The following CACNA1H variants were observed in gnomAD, a reference collection of about 807,000 sequenced individuals.
CACNA1H encodes calcium voltage-gated channel subunit alpha1 H, also known as voltage-dependent T-type calcium channel subunit alpha-1H.
CACNA1H carries 149 observed loss-of-function variants against 192.5 expected under a neutral mutation model. The observed-to-expected ratio is 0.77, with a 90% confidence interval of 0.68 to 0.89. CACNA1H has a LOEUF of 0.89. Ranked by LOEUF, CACNA1H falls within the 40% of genes least tolerant of loss-of-function variation. The probability of loss-of-function intolerance (pLI) is 0.00; values close to 1 mark genes in which losing one functional copy is unlikely to be tolerated. For missense variants in CACNA1H, 4,257 were observed against 3,423.5 expected (o/e 1.24, Z -6.08); for synonymous variants, 2,202 against 1,475.2 (o/e 1.49, Z -11.29).
intron 2 of CACNA1H, among the ~76,000 whole-genome samples, chr16:1,158,922 C>T (rs760337029): frequency 6.6e-5 from 10 of 152,180 alleles, no homozygotes; most frequent in African/African-American, 1.2e-4. Context: ...AGAGCCCCCC[C>T]GCTCAGCCCG....
At chr16:1,194,684 C>T (rs999467009) in intron 2 of CACNA1H, among the ~76,000 whole-genome samples, 4 of 152,228 alleles carry the variant, frequency 2.6e-5, no homozygotes, top group African/African-American at 9.6e-5. Flanking sequence ...GCGGCCAGCC[C>T]ACCGAGGGCT....
At chr16:1,157,135 G>A (rs1962528154) in intron 2 of CACNA1H, 2 of 152,222 alleles carry the variant, frequency 1.3e-5, no homozygotes, top group African/African-American at 4.8e-5. Context: ...CACACGGACG[G>A]GGCGGGGCCC....
Position 1,153,797 on chromosome 16 carries a change from T to C in CACNA1H, c.60T>C (p.Pro20=). 1 of 1,245,812 alleles carries C rather than the reference T, an allele frequency of 8.0e-7. No individual in the cohort carries two copies. The highest frequency in any genetic ancestry group is 3.4e-5 in the East Asian group (1 of 29,622). 77.2% of individuals were successfully genotyped at this position (1,245,812 alleles called of 1,614,324 possible). The change falls in exon 2 of 35, where the codon CCT becomes CCC. Residue 20 remains proline (P), a synonymous_variant. Coordinates refer to ENST00000348261, the MANE Select transcript of CACNA1H (RefSeq NM_021098.3). ...EVRVPLGAPP[P]GPAALVGASP... is the part of the protein sequence containing the mutation. ...GGGTGCCCCTGGGCGCGCCGCCCCC[T>C]GGCCCTGCGGCGTTGGTGGGGGCGT...
intron 2 of CACNA1H, among the ~76,000 whole-genome samples, chr16:1,158,872 C>G (rs905544607): frequency 7.4e-5 from 11 of 149,544 alleles, no homozygotes; most frequent in Admixed American, 6.0e-4. Flanking sequence ...GCACCCCTGG[C>G]CCCGCAGGGC....
chr16:1,215,471 C>A, intron 29 of CACNA1H, 52 bp from the exon 30 acceptor site: 5 of 1,594,132 alleles, frequency 3.1e-6, no homozygotes, highest in South Asian at 2.3e-5. Flanking sequence ...AGGGTCCCCG[C>A]GCAGCAGGGA....
At position 1,217,905 on chromosome 16, in the gene CACNA1H, C is replaced by G; in HGVS notation, c.5324-14C>G. On this transcript the variant is annotated splice_polypyrimidine_tract_variant and intron_variant, in intron 31 of 34. Transcript: ENST00000348261. ...GCGGGCTCGGCTGACCGGGCGGGGT[C>G]TCCCTCCCCGCAGAGTGCAGTGAAG... 2 of 1,590,890 alleles carry G rather than the reference C, an allele frequency of 1.3e-6. No homozygotes were observed. The highest frequency in any genetic ancestry group is 1.7e-6 in the Non-Finnish European group (2 of 1,168,630).
rs768879342 is a variant in CACNA1H, at chr16:1,220,424, G to T, written c.6492G>T (p.Glu2164Asp). 8 of 1,533,300 alleles carry T rather than the reference G, an allele frequency of 5.2e-6. No homozygotes were observed. Among genetic ancestry groups the T allele is most frequent in the South Asian group, 5.2e-5 (4 of 77,534 alleles). The allele number at this position is 1,533,300 out of a possible 1,614,324, so 95.0% of individuals were successfully genotyped here. ...CCTCGGCGGAGCTGGGCAGCGGGGA[G>T]CCTGGGGAGGCGAAGGCCTGGGGCC... ...WRPSAELGSG[E>D]PGEAKAWGPE... The change falls in exon 35 of 35, where the codon GAG (glutamate) becomes GAT (aspartate). Residue 2164 changes from glutamate (E) to aspartate (D), a missense_variant. Transcript: ENST00000348261.
At position 1,183,991 on chromosome 16, in the gene CACNA1H, C is replaced by A. The variant is rs573359517; in HGVS notation, c.300-10981C>A. On this transcript the variant is annotated intron_variant, in intron 2 of 34. Coordinates refer to ENST00000348261, the MANE Select transcript of CACNA1H (RefSeq NM_021098.3). ...GCGTCTGCCTCGGCAGCTGTGGCTG[C>A]CCCGGTGCTTCATCGGATGCCAGGG... Among the ~76,000 whole-genome samples the A allele has an allele frequency of 3.3e-5, 5 of 152,358 alleles. No individual in the cohort carries two copies. The South Asian group carries it at 8.3e-4, about 25-fold the overall frequency.
At position 1,195,575 on chromosome 16, in the gene CACNA1H, G is replaced by T. The variant is rs748867788; in HGVS notation, c.545+10G>T. On this transcript the variant is annotated intron_variant, in intron 4 of 34. Coordinates refer to ENST00000348261, the MANE Select transcript of CACNA1H (RefSeq NM_021098.3). ...TCATCGTCGTGGCGGGGTAGGCCCC[G>T]CCTGGGAGAGGCCACAGCGCTGGCG... 10 of 1,483,256 alleles carry T rather than the reference G, an allele frequency of 6.7e-6. No homozygotes were observed. Among genetic ancestry groups the T allele is most frequent in the East Asian group, 2.8e-5 (1 of 36,212 alleles). The allele number at this position is 1,483,256 out of a possible 1,614,324, so 91.9% of individuals were successfully genotyped here. A position where few individuals can be genotyped will look rare whatever the true frequency, so the allele number is the denominator to read the frequency against.
intron 11 of CACNA1H, among the ~76,000 whole-genome samples, chr16:1,205,637 A>G (rs1174030517): frequency 6.6e-6 from 1 of 152,226 alleles, no homozygotes; most frequent in East Asian, 1.9e-4. Flanking sequence ...CTGGAGGAGC[A>G]TTTGCTACAA....
At chr16:1,164,294 CG>C (rs1481034346) in intron 2 of CACNA1H, among the ~76,000 whole-genome samples, 2 of 152,290 alleles carry the variant, frequency 1.3e-5, no homozygotes, top group African/African-American at 4.8e-5. Flanking sequence ...CAGGAATACC[CG>C]AAGCCTCAGA....
chr16:1,160,418 C>T (rs1195195942), intron 2 of CACNA1H, among the ~76,000 whole-genome samples: 7 of 152,136 alleles, frequency 4.6e-5, no homozygotes, highest in East Asian at 3.9e-4. Flanking sequence ...GATGGACGGC[C>T]GCCTCGGTCA....
Position 1,220,322 on chromosome 16 carries a change from G to A in CACNA1H, c.6390G>A (p.Arg2130=), listed in dbSNP as rs1462959015. The A allele has an allele frequency of 1.3e-6, 2 of 1,558,854 alleles. No homozygotes were observed. The highest frequency in any genetic ancestry group is 1.7e-6 in the Non-Finnish European group (2 of 1,159,896). Residue 2130 remains arginine, a synonymous_variant, in exon 35 of 35, where the codon CGG becomes CGA. Transcript: ENST00000348261. The part of the protein sequence containing the change: ...PEASPVAGGE[R]DLRRLYSVDA... ...CCTCTCCGGTGGCCGGCGGCGAGCG[G>A]GACCTGCGCAGGCTCTACAGCGTGG... is the stretch of plus-strand genomic sequence containing the variant.
chr16:1,195,660 G>C, intron 4 of CACNA1H, 95 bp downstream of exon 4: 1 of 1,406,290 alleles, frequency 7.1e-7, no homozygotes, highest in Non-Finnish European at 9.7e-7. Context: ...AAAATGGGAG[G>C]TGTGTTCTAG....
At chr16:1,196,949 G>A (rs548010787) in intron 5 of CACNA1H, among the ~76,000 whole-genome samples, 36 of 151,748 alleles carry the variant, frequency 2.4e-4, no homozygotes, top group African/African-American at 6.8e-4. Flanking sequence ...GTGTGTGCAC[G>A]TGCGGGTGTA....
chr16:1,212,507 C>G lies in CACNA1H; in HGVS notation c.4760-4C>G, dbSNP rs377601289. Reference sequence around the variant, plus strand: ...GCCCTCAGACCATCTCCTTGTCTTTCCAGGCACTTTCCCCAGCCCAGGTAC... The same window carrying G: ...GCCCTCAGACCATCTCCTTGTCTTTGCAGGCACTTTCCCCAGCCCAGGTAC... On this transcript the variant is annotated splice_region_variant and splice_polypyrimidine_tract_variant and intron_variant, in intron 25 of 34. Coordinates refer to ENST00000348261, the MANE Select transcript of CACNA1H (RefSeq NM_021098.3). The G allele has an allele frequency of 8.7e-6, 14 of 1,610,918 alleles. No individual in the cohort carries two copies. Among genetic ancestry groups the G allele is most frequent in the Non-Finnish European group, 1.0e-5 (12 of 1,179,118 alleles).
chr16:1,185,318 G>A (rs990377211), intron 2 of CACNA1H, among the ~76,000 whole-genome samples: 1 of 152,164 alleles, frequency 6.6e-6, no homozygotes, highest in Non-Finnish European at 1.5e-5. Flanking sequence ...GACACGTGTG[G>A]GCCCGTCTGT....
chr16:1,171,678 C>G (rs1964381479), intron 2 of CACNA1H, among the ~76,000 whole-genome samples: 1 of 152,202 alleles, frequency 6.6e-6, no homozygotes, highest in Non-Finnish European at 1.5e-5. Flanking sequence ...TCCTTCCCGC[C>G]TCCTGGGCCG....
At chr16:1,169,226 C>T (rs1449549489) in intron 2 of CACNA1H, among the ~76,000 whole-genome samples, 3 of 152,066 alleles carry the variant, frequency 2.0e-5, no homozygotes, top group Admixed American at 6.5e-5. Context: ...TGGACGTGGA[C>T]GTGGACGGGC....
Sources: allele counts gnomAD v4.1 joint callset (sites outside exome capture counted in the v4.1 genomes callset), GRCh38; gene constraint gnomAD v4.1.1; transcripts MANE v1.5; gene names NCBI Gene and HGNC (gene_info 2026-07-23, HGNC 2026-07-21).